PCDHGB2: variants seen among roughly 807,000 people sequenced by gnomAD.
PCDHGB2 encodes protocadherin gamma subfamily B, 2.
PCDHGB2 carries 55 observed loss-of-function variants against 59.3 expected under a neutral mutation model. That is an observed-to-expected ratio of 0.93 (90% CI 0.75 to 1.16). PCDHGB2 has a LOEUF of 1.16. PCDHGB2 is among the 50% of genes most tolerant of loss of function. The probability of loss-of-function intolerance (pLI) is 0.00; values close to 1 mark genes in which losing one functional copy is unlikely to be tolerated. For missense variants in PCDHGB2, 1,228 were observed against 1,198.5 expected, an observed-to-expected ratio of 1.02 and a Z score of -0.36; for synonymous variants, 516 against 512.0, an observed-to-expected ratio of 1.01 and a Z score of -0.11.
intron 1 of PCDHGB2, chr5:141,420,313 C>T (rs751944742): frequency 1.6e-5 from 23 of 1,434,756 alleles, no homozygotes; most frequent in Non-Finnish European, 2.2e-5. Flanking sequence ...TTTTATATTA[C>T]AATATGCCAA....
Position 141,361,799 on chromosome 5 carries a change from T to A in PCDHGB2, c.1664T>A (p.Leu555His), listed in dbSNP as rs929369339. The part of the protein sequence containing the change: ...NVSLRVLVGD[L>H]NDNAPRVLYP... ...AGCCTGCGCGTGTTAGTGGGCGACC[T>A]CAATGACAATGCGCCACGGGTGCTG... The change falls in exon 1 of 4, where the codon CTC (leucine) becomes CAC (histidine). Residue 555 changes from leucine (L) to histidine (H), a missense_variant. Coordinates refer to ENST00000522605, the MANE Select transcript of PCDHGB2 (RefSeq NM_018923.3). The A allele has an allele frequency of 1.2e-6, 2 of 1,613,184 alleles. No individual in the cohort carries two copies. Among genetic ancestry groups the A allele is most frequent in the Middle Eastern group, 1.7e-4 (1 of 6,020 alleles).
intron 1 of PCDHGB2, chr5:141,394,137 G>A (rs1406338034): frequency 6.2e-6 from 10 of 1,613,902 alleles, no homozygotes; most frequent in East Asian, 2.2e-5. Context: ...CGCTCTGCAC[G>A]TGGCAGACAT....
intron 3 of PCDHGB2, among the ~76,000 whole-genome samples, chr5:141,509,069 G>A (rs1463164307): frequency 2.6e-5 from 4 of 152,174 alleles, no homozygotes; most frequent in African/African-American, 9.7e-5. Context: ...CTCAGCTCCG[G>A]GGATTTGCGA....
At chr5:141,388,877 G>A in intron 1 of PCDHGB2, 1 of 1,613,936 alleles carries the variant, frequency 6.2e-7, no homozygotes, top group Non-Finnish European at 8.5e-7. Flanking sequence ...AATGCACAGT[G>A]GAGGTAGAAG....
chr5:141,409,278 A>C, intron 1 of PCDHGB2: 1 of 1,614,022 alleles, frequency 6.2e-7, no homozygotes, highest in Non-Finnish European at 8.5e-7. Flanking sequence ...ATTTTGGAGA[A>C]TTCACCTCCA....
chr5:141,427,875 C>A, intron 1 of PCDHGB2: 1 of 1,560,408 alleles, frequency 6.4e-7, no homozygotes. Flanking sequence ...GCTCACGATG[C>A]AGGCCCACGA....
Position 141,476,543 on chromosome 5 carries a change from G to A in PCDHGB2, c.2422-18264G>A, listed in dbSNP as rs1419273574. 1 of 1,614,220 alleles carries A rather than the reference G, an allele frequency of 6.2e-7. No individual in the cohort carries two copies. Among genetic ancestry groups the A allele is most frequent in the South Asian group, 1.1e-5 (1 of 91,084 alleles). On this transcript the variant is annotated intron_variant, in intron 1 of 3. Transcript: ENST00000522605. The surrounding 1 kb of genome is among the most constrained non-coding windows in gnomAD (Gnocchi z 7.6). ...TTTCCCTACCCAGGAAATGAAATTG[G>A]AGATTAGCGAGGCCGTGGCTCCGGG...
intron 3 of PCDHGB2, among the ~76,000 whole-genome samples, chr5:141,509,336 GC>G (rs2099876304): frequency 6.6e-6 from 1 of 152,178 alleles, no homozygotes; most frequent in Non-Finnish European, 1.5e-5. Context: ...TGCCAGCTGG[GC>G]CTGGGCTGGC....
chr5:141,504,434 A>C (rs2099838201), intron 2 of PCDHGB2, among the ~76,000 whole-genome samples: 1 of 152,234 alleles, frequency 6.6e-6, no homozygotes, highest in South Asian at 2.1e-4. Flanking sequence ...CAACAGCTGC[A>C]GTGTGACTAG....
intron 1 of PCDHGB2, among the ~76,000 whole-genome samples, chr5:141,469,029 C>A (rs2099189188): frequency 6.6e-6 from 1 of 152,052 alleles, no homozygotes; most frequent in Non-Finnish European, 1.5e-5. Flanking sequence ...GTAATCCCAG[C>A]ACTTTGGGAG....
chr5:141,386,123 T>C (rs1477033454), intron 1 of PCDHGB2: 1 of 152,112 alleles, frequency 6.6e-6, no homozygotes, highest in African/African-American at 2.4e-5. Flanking sequence ...AAGTGGGAGA[T>C]TGGGGATACT....
chr5:141,438,072 A>C (rs761630845), intron 1 of PCDHGB2, among the ~76,000 whole-genome samples: 1 of 152,158 alleles, frequency 6.6e-6, no homozygotes, highest in Non-Finnish European at 1.5e-5. Flanking sequence ...AACCATACTT[A>C]ATGGAAAATT....
In PCDHGB2 at chr5:141,361,400, T is replaced by A; in HGVS notation, c.1265T>A (p.Ile422Asn). The change falls in exon 1 of 4, where the codon ATC becomes AAC. Residue 422 changes from isoleucine to asparagine, a missense_variant. By Grantham distance (149) the Ile-to-Asn change is moderately radical. This residue lies in a region of PCDHGB2 where 781 missense variants were observed against 721.6 expected (regional missense o/e 1.08). Coordinates refer to ENST00000522605, the MANE Select transcript of PCDHGB2 (RefSeq NM_018923.3). ...REEIPEYNLT[I>N]TATDGGKPPL... The stretch of plus-strand genomic sequence containing the variant: ...GAGATCCCAGAATACAATCTCACCA[T>A]CACAGCCACCGACGGGGGCAAGCCG... 6.2e-7 allele frequency: 1 copy of A among 1,613,988 alleles called. No individual in the cohort carries two copies. The highest frequency in any genetic ancestry group is 8.5e-7 in the Non-Finnish European group (1 of 1,179,888).
At chr5:141,376,255 G>A (rs1380740739) in intron 1 of PCDHGB2, 6 of 1,614,256 alleles carry the variant, frequency 3.7e-6, no homozygotes, top group Non-Finnish European at 3.4e-6. Context: ...AGTCACGCCT[G>A]CTGCAGGCTT....
At chr5:141,416,589 TTA>T (rs1386515449) in intron 1 of PCDHGB2, 2 of 151,996 alleles carry the variant, frequency 1.3e-5, no homozygotes, top group African/African-American at 4.8e-5. Context: ...CAAAATAAAC[TTA>T]GAGTCAAGAA....
rs779949480 is a variant in PCDHGB2, at chr5:141,489,768, C to G, written c.2422-5039C>G. The G allele has an allele frequency of 6.2e-7, 1 of 1,614,134 alleles. No individual in the cohort carries two copies. The highest frequency in any genetic ancestry group is 1.1e-5 in the South Asian group (1 of 91,072). On this transcript the variant is annotated intron_variant, in intron 1 of 3. Coordinates refer to ENST00000522605, the MANE Select transcript of PCDHGB2 (RefSeq NM_018923.3). The surrounding 1 kb of genome is among the most constrained non-coding windows in gnomAD (Gnocchi z 4.5). ...GCTTTTACACTCTAAGCCCCAACAG[C>G]CACTTCTCTCTGAATGTGAAGACCC...
rs1375121802 is a variant in PCDHGB2 at position 141,432,471 on chromosome 5, G to A, written c.2422-62336G>A. 2 of 1,614,094 alleles carry A rather than the reference G, an allele frequency of 1.2e-6. No homozygotes were observed. Among genetic ancestry groups the A allele is most frequent in the African/African-American group, 2.7e-5 (2 of 74,946 alleles). ...CTGTACCCCGCCCTCCCCACGGACG[G>A]TTCCACTGGCGTGGAGCTGGCTCCC... is the stretch of plus-strand genomic sequence containing the variant. On this transcript the variant is annotated intron_variant, in intron 1 of 3. Coordinates refer to ENST00000522605, the MANE Select transcript of PCDHGB2 (RefSeq NM_018923.3). The surrounding 1 kb of genome is among the most constrained non-coding windows in gnomAD (Gnocchi z 6.0).
Position 141,413,696 on chromosome 5 carries a change from A to G in PCDHGB2, c.2421+51140A>G, listed in dbSNP as rs753150251. On this transcript the variant is annotated intron_variant, in intron 1 of 3. Coordinates refer to ENST00000522605, the MANE Select transcript of PCDHGB2 (RefSeq NM_018923.3). ...GTGGGCGTGAACTCCCTGCAGAGCTATCAGCTCAGCCCCAATAAGCACTTC... is the reference window on the plus strand; with the variant it reads ...GTGGGCGTGAACTCCCTGCAGAGCTGTCAGCTCAGCCCCAATAAGCACTTC... 3.1e-6 allele frequency: 5 copies of G among 1,613,522 alleles called. No homozygotes were observed. In the Admixed American group the frequency reaches 6.7e-5, roughly 22 times the overall value.
intron 1 of PCDHGB2, chr5:141,409,355 A>G (rs778227478): frequency 6.2e-7 from 1 of 1,614,032 alleles, no homozygotes; most frequent in South Asian, 1.1e-5. Flanking sequence ...AGTCAGGTGT[A>G]ATATAGAAAC....
Sources: allele counts gnomAD v4.1 joint callset (sites outside exome capture counted in the v4.1 genomes callset), GRCh38; gene constraint gnomAD v4.1.1; regional missense constraint gnomAD v4.1.1; non-coding constraint Gnocchi (gnomAD v3.1); transcripts MANE v1.5; gene names NCBI Gene and HGNC (gene_info 2026-07-23, HGNC 2026-07-21).